Variants in RFX4 observed in about 807,000 individuals in gnomAD.
RFX4 encodes transcription factor RFX4.
RFX4 carries 10 observed loss-of-function variants against 95.0 expected under a neutral mutation model. That is an observed-to-expected ratio of 0.11 (90% confidence interval 0.06 to 0.18). The LOEUF (loss-of-function observed/expected upper bound fraction) is 0.18. Ranked by LOEUF, RFX4 falls within the 10% of genes least tolerant of loss-of-function variation. The probability of loss-of-function intolerance (pLI) is 1.00; values close to 1 mark genes in which losing one functional copy is unlikely to be tolerated. For synonymous variants in RFX4, 321 were observed against 340.7 expected, an observed-to-expected ratio of 0.94 and a Z score of 0.64; for missense variants, 640 against 922.0, an observed-to-expected ratio of 0.69 and a Z score of 3.96.
chr12:106,644,242 T>C (rs1219721281), intron 3 of RFX4, among the ~76,000 whole-genome samples: 6 of 149,620 alleles, frequency 4.0e-5, no homozygotes, highest in African/African-American at 9.9e-5. Flanking sequence ...TTTTTTTTTT[T>C]TTTTTTTTTG....
intron 2 of RFX4, among the ~76,000 whole-genome samples, chr12:106,624,065 C>T (rs2040240911): frequency 2.6e-5 from 4 of 152,078 alleles, no homozygotes; most frequent in Admixed American, 2.6e-4. Context: ...TAAAATGGAA[C>T]AAGGGGAGGT....
chr12:106,605,481 G>A lies in RFX4; in HGVS notation c.44-3316G>A, dbSNP rs2039810711. Among the ~76,000 whole-genome samples, 4 of 152,184 alleles carry A rather than the reference G, an allele frequency of 2.6e-5. No homozygotes were observed. In the South Asian group the frequency reaches 8.3e-4, roughly 32 times the overall value. On this transcript the variant is annotated intron_variant, in intron 1 of 17. Coordinates refer to ENST00000392842, the MANE Select transcript of RFX4 (RefSeq NM_213594.3). ...CCGAATCTGGTTTGGATATCTCAGA[G>A]TGTTGCATCCACATAGTCTGAAATG... is the stretch of plus-strand genomic sequence containing the variant.
Position 106,723,448 on chromosome 12 carries a change from C to G in RFX4, c.1351+2572C>G, listed in dbSNP as rs558368410. On this transcript the variant is annotated intron_variant, in intron 13 of 17. Transcript: ENST00000392842. ...GGGTTTTCAGCAAATGCCTGCTTATCTCACTGTTATGAACATCTGGAAGGT... is the reference window on the plus strand; with the variant it reads ...GGGTTTTCAGCAAATGCCTGCTTATGTCACTGTTATGAACATCTGGAAGGT... Among the ~76,000 whole-genome samples the G allele has an allele frequency of 2.0e-5, 3 of 152,336 alleles. No individual in the cohort carries two copies. The East Asian group carries it at 5.8e-4, about 29-fold the overall frequency.
At chr12:106,615,403 G>C (rs1270721391) in intron 2 of RFX4, among the ~76,000 whole-genome samples, 1 of 152,116 alleles carries the variant, frequency 6.6e-6, no homozygotes, top group Non-Finnish European at 1.5e-5. Flanking sequence ...GTGATATCTG[G>C]TAGCATAAGA....
chr12:106,665,899 C>T (rs1223229366), intron 4 of RFX4, among the ~76,000 whole-genome samples: 1 of 151,852 alleles, frequency 6.6e-6, no homozygotes, highest in Non-Finnish European at 1.5e-5. Context: ...TTTGAATAAA[C>T]TGTCATCTGT....
intron 2 of RFX4, among the ~76,000 whole-genome samples, chr12:106,626,445 G>A (rs1009630350): frequency 6.6e-6 from 1 of 152,152 alleles, no homozygotes; most frequent in Non-Finnish European, 1.5e-5. Flanking sequence ...GAACAGAGAG[G>A]TTGAAGAATC....
intron 4 of RFX4, chr12:106,680,838 A>G (rs1318887944): frequency 2.0e-5 from 3 of 152,248 alleles, no homozygotes; most frequent in African/African-American, 7.2e-5. Context: ...TTCACTTTTT[A>G]AAATTTCACA....
rs552543616 is a variant in RFX4 at position 106,719,075 on chromosome 12, T to C, written c.1139-885T>C. On this transcript the variant is annotated intron_variant, in intron 11 of 17. Transcript: ENST00000392842. ...AGGTGGAGCTTGCAGTGAGCCGAGATTGCGCCACTGCACTCCAGCCTGGGC... is the reference window on the plus strand; with the variant it reads ...AGGTGGAGCTTGCAGTGAGCCGAGACTGCGCCACTGCACTCCAGCCTGGGC... Among the ~76,000 whole-genome samples the C allele has an allele frequency of 2.6e-5, 4 of 152,044 alleles. No homozygotes were observed. In the South Asian group the frequency reaches 6.2e-4, roughly 24 times the overall value.
intron 1 of RFX4, among the ~76,000 whole-genome samples, chr12:106,599,497 G>T (rs1481974194): frequency 6.6e-6 from 1 of 151,960 alleles, no homozygotes. Flanking sequence ...TGATGATGAT[G>T]ATGATGATGA....
At chr12:106,615,891 A>G (rs61943266) in intron 2 of RFX4, among the ~76,000 whole-genome samples, 2,508 of 152,328 alleles carry the variant, frequency 0.016, 32 homozygotes, top group Middle Eastern at 0.041. Flanking sequence ...TATGAACATC[A>G]TCATGTCACC....
intron 4 of RFX4, among the ~76,000 whole-genome samples, chr12:106,658,186 C>T (rs926455911): frequency 1.3e-5 from 2 of 152,118 alleles, no homozygotes; most frequent in Admixed American, 6.6e-5. Context: ...ATCACTTTTA[C>T]GTATGTGAAC....
chr12:106,651,683 A>G (rs976553913), intron 3 of RFX4, among the ~76,000 whole-genome samples: 1 of 152,180 alleles, frequency 6.6e-6, no homozygotes, highest in Non-Finnish European at 1.5e-5. Flanking sequence ...CCAGACAAGG[A>G]ACAGAAAATA....
chr12:106,583,970 T>C lies in RFX4; in HGVS notation c.43+607T>C, dbSNP rs1447400861. Among the ~76,000 whole-genome samples the C allele has an allele frequency of 2.6e-5, 4 of 152,098 alleles. 1 individual carries two copies. Among genetic ancestry groups the C allele is most frequent in the African/African-American group, 7.2e-5 (3 of 41,422 alleles). On this transcript the variant is annotated intron_variant, in intron 1 of 17. Coordinates refer to ENST00000392842, the MANE Select transcript of RFX4 (RefSeq NM_213594.3). ...AGTCCTGGGCTGTGGGGTCGGGCTT[T>C]TAGCTTTTCTGCCAGGAAGGGGCAC... is the stretch of plus-strand genomic sequence containing the variant.
intron 1 of RFX4, among the ~76,000 whole-genome samples, chr12:106,601,887 CT>C (rs1157678672): frequency 2.5e-4 from 38 of 152,352 alleles, no homozygotes; most frequent in Admixed American, 2.3e-3. Context: ...AAATGCCCTG[CT>C]TCCCTCCTTG....
At chr12:106,704,795 A>T (rs981122239) in intron 8 of RFX4, among the ~76,000 whole-genome samples, 19 of 152,032 alleles carry the variant, frequency 1.2e-4, no homozygotes, top group African/African-American at 4.1e-4. Context: ...TAGCTATAGT[A>T]AGAAAGTGTG....
Position 106,732,237 on chromosome 12 carries a change from G to C in RFX4, c.1459G>C (p.Glu487Gln). ...TGAGCTCATGCGAGCCATGAAGGGA[G>C]AAGGAAGCACTGGTAAGCCAGCATT... is the stretch of plus-strand genomic sequence containing the variant. Reference protein sequence around the residue: ...ANELMRAMKGEGSTAEVREEI... With the variant: ...ANELMRAMKGQGSTAEVREEI... Residue 487 changes from glutamate (E) to glutamine (Q), a missense_variant, in exon 14 of 18, where the codon GAA (glutamate) becomes CAA (glutamine). Physicochemically the swap from Glu to Gln is conservative, Grantham distance 29 (BLOSUM62 2). Around this residue, in one of 7 missense-constraint regions of RFX4, gnomAD observed 300 missense variants for 346.8 expected, o/e 0.87. Coordinates refer to ENST00000392842, the MANE Select transcript of RFX4 (RefSeq NM_213594.3). 6.2e-7 allele frequency: 1 copy of C among 1,613,962 alleles called. No homozygotes were observed. Among genetic ancestry groups the C allele is most frequent in the Non-Finnish European group, 8.5e-7 (1 of 1,179,868 alleles).
intron 1 of RFX4, among the ~76,000 whole-genome samples, chr12:106,607,064 G>A (rs1439913426): frequency 6.6e-5 from 10 of 152,116 alleles, no homozygotes. Flanking sequence ...AGAGGGCCTG[G>A]CATGTTCAAA....
intron 2 of RFX4, among the ~76,000 whole-genome samples, chr12:106,638,164 C>T (rs909491685): frequency 1.1e-4 from 16 of 151,988 alleles, no homozygotes; most frequent in African/African-American, 3.6e-4. Context: ...CATGCCACCA[C>T]TCCTGGCTAA....
chr12:106,700,248 G>A (rs1650133674), intron 8 of RFX4, among the ~76,000 whole-genome samples: 1 of 151,788 alleles, frequency 6.6e-6, no homozygotes, highest in Admixed American at 6.6e-5. Flanking sequence ...TCCTAGGCTG[G>A]CTTGAACTCC....
Sources: gnomAD v4.1 joint callset for allele counts (sites outside exome capture counted in the v4.1 genomes callset) on GRCh38, gnomAD v4.1.1 for gene constraint, gnomAD v4.1.1 regional missense constraint, MANE v1.5 for transcripts, NCBI Gene and HGNC (gene_info 2026-07-23, HGNC 2026-07-21) for gene names.